Variants in CNTNAP2 observed in about 807,000 individuals in gnomAD.
CNTNAP2 encodes the protein contactin associated protein 2.
CNTNAP2 carries 98 observed loss-of-function variants against 155.2 expected under a neutral mutation model. The ratio of observed to expected loss-of-function variants is 0.63; its 90% CI spans 0.54 to 0.75. CNTNAP2 has a LOEUF of 0.75. CNTNAP2 is among the 30% of genes least tolerant of loss of function. CNTNAP2 has a pLI of 0.00. For synonymous variants in CNTNAP2, 651 were observed against 631.2 expected (o/e 1.03, Z -0.47); for missense variants, 1,727 against 1,688.1 (o/e 1.02, Z -0.40).
At chr7:147,770,021 A>G (rs995695780) in intron 13 of CNTNAP2, among the ~76,000 whole-genome samples, 4 of 152,208 alleles carry the variant, frequency 2.6e-5, no homozygotes, top group African/African-American at 9.6e-5. Context: ...ACATCTTTAA[A>G]GATTTGTTCA....
At chr7:146,594,025 C>T (rs879403146) in intron 1 of CNTNAP2, among the ~76,000 whole-genome samples, 1 of 152,068 alleles carries the variant, frequency 6.6e-6, no homozygotes, top group Non-Finnish European at 1.5e-5. Flanking sequence ...ATCTGATGAC[C>T]CTGGCCTGTC....
chr7:146,625,389 A>G (rs896593187), intron 1 of CNTNAP2, among the ~76,000 whole-genome samples: 1 of 152,018 alleles, frequency 6.6e-6, no homozygotes, highest in African/African-American at 2.4e-5. Flanking sequence ...ATGAGACCAG[A>G]AATGAATGGC....
intron 1 of CNTNAP2, among the ~76,000 whole-genome samples, chr7:146,759,681 C>CAAAAA (rs376817827): frequency 4.8e-4 from 26 of 54,642 alleles, no homozygotes; most frequent in African/African-American, 9.9e-4. Flanking sequence ...GTGAGACTGT[C>CAAAAA]AAAAAAAAAA....
chr7:147,372,978 C>T (rs1013430890), intron 9 of CNTNAP2, among the ~76,000 whole-genome samples: 1 of 152,082 alleles, frequency 6.6e-6, no homozygotes, highest in African/African-American at 2.4e-5. Flanking sequence ...CCCCTGTTCA[C>T]ATTCTTTCCT....
At chr7:146,810,706 C>T (rs1803050921) in intron 2 of CNTNAP2, among the ~76,000 whole-genome samples, 1 of 151,752 alleles carries the variant, frequency 6.6e-6, no homozygotes, top group East Asian at 1.9e-4. Context: ...GCACCTTTGT[C>T]TTGTTCTTAA....
chr7:146,144,063 T>C (rs949433078), intron 1 of CNTNAP2, among the ~76,000 whole-genome samples: 6 of 152,158 alleles, frequency 3.9e-5, no homozygotes, highest in African/African-American at 1.4e-4. Context: ...TGCCCAGCCC[T>C]AATTTACTTT....
At chr7:147,456,230 T>C (rs747580471) in intron 10 of CNTNAP2, among the ~76,000 whole-genome samples, 2 of 152,274 alleles carry the variant, frequency 1.3e-5, no homozygotes, top group Admixed American at 6.5e-5. Flanking sequence ...TGTGATTTAA[T>C]ATTATATTGG....
intron 8 of CNTNAP2, among the ~76,000 whole-genome samples, chr7:147,216,500 C>T (rs1307821314): frequency 6.6e-6 from 1 of 151,842 alleles, no homozygotes; most frequent in African/African-American, 2.4e-5. Flanking sequence ...TTTCTAGACT[C>T]TCTGTTATGT....
chr7:148,036,781 T>C (rs1250294110), intron 15 of CNTNAP2, among the ~76,000 whole-genome samples: 1 of 152,148 alleles, frequency 6.6e-6, no homozygotes, highest in Non-Finnish European at 1.5e-5. Flanking sequence ...TCTAGTCCCA[T>C]GTGATTTCTA....
At chr7:148,381,946 C>T (rs1315180710) in intron 21 of CNTNAP2, among the ~76,000 whole-genome samples, 5 of 152,314 alleles carry the variant, frequency 3.3e-5, no homozygotes, top group Middle Eastern at 3.4e-3. Context: ...GAACACACTC[C>T]GGTTTTGGAA....
At chr7:146,270,814 T>A (rs1800069645) in intron 1 of CNTNAP2, among the ~76,000 whole-genome samples, 1 of 152,142 alleles carries the variant, frequency 6.6e-6, no homozygotes, top group South Asian at 2.1e-4. Flanking sequence ...GTTTCACACA[T>A]AACACAAATT....
At chr7:146,228,972 CACAT>C (rs1426258788) in intron 1 of CNTNAP2, among the ~76,000 whole-genome samples, 2 of 152,132 alleles carry the variant, frequency 1.3e-5, no homozygotes, top group African/African-American at 4.8e-5. Flanking sequence ...TTTCGAATCA[CACAT>C]GCATCAGTAC....
chr7:146,960,299 CTTATT>C (rs1489188750), intron 3 of CNTNAP2, among the ~76,000 whole-genome samples: 1 of 152,152 alleles, frequency 6.6e-6, no homozygotes, highest in Admixed American at 6.5e-5. Context: ...ATTCTTATTA[CTTATT>C]TTGAGAATGT....
chr7:147,078,168 T>C (rs1229947832), intron 4 of CNTNAP2, among the ~76,000 whole-genome samples: 3 of 152,206 alleles, frequency 2.0e-5, no homozygotes, highest in Non-Finnish European at 2.9e-5. Flanking sequence ...AGACTTTATC[T>C]CTGCTGCAAA....
chr7:147,657,431 C>T (rs954322875), intron 13 of CNTNAP2, among the ~76,000 whole-genome samples: 10 of 151,962 alleles, frequency 6.6e-5, no homozygotes, highest in South Asian at 4.1e-4. Context: ...TCTAAGGTAA[C>T]ATAGACTAAA....
chr7:146,133,502 G>C (rs961839534), intron 1 of CNTNAP2, among the ~76,000 whole-genome samples: 44 of 152,266 alleles, frequency 2.9e-4, no homozygotes, highest in African/African-American at 1.0e-3. Flanking sequence ...CCTATGTCCT[G>C]AATGGTAATG....
At chr7:147,254,359 C>A (rs536159285) in intron 8 of CNTNAP2, among the ~76,000 whole-genome samples, 3 of 152,238 alleles carry the variant, frequency 2.0e-5, no homozygotes, top group Admixed American at 6.5e-5. Flanking sequence ...GGAGTTAGCA[C>A]CTCCAAAGCA....
chr7:146,501,120 G>T (rs1486407482), intron 1 of CNTNAP2, among the ~76,000 whole-genome samples: 14 of 151,844 alleles, frequency 9.2e-5, no homozygotes, highest in African/African-American at 3.1e-4. Flanking sequence ...GATGCAGTCT[G>T]CTAGTATTTT....
intron 1 of CNTNAP2, among the ~76,000 whole-genome samples, chr7:146,221,287 A>G (rs762239896): frequency 1.3e-4 from 20 of 152,322 alleles, no homozygotes; most frequent in Non-Finnish European, 2.2e-4. Context: ...TATATATGCA[A>G]CAATATATAC....
Sources: allele counts gnomAD v4.1 joint callset (sites outside exome capture counted in the v4.1 genomes callset), GRCh38; gene constraint gnomAD v4.1.1; transcripts MANE v1.5; gene names NCBI Gene and HGNC (gene_info 2026-07-23, HGNC 2026-07-21).